Variants in PDE5A observed in about 807,000 individuals in gnomAD.
The protein encoded by PDE5A is phosphodiesterase 5A.
In PDE5A, 67 loss-of-function variants were observed where a neutral mutation model predicts 110.2. That is an observed-to-expected ratio of 0.61 (90% CI 0.50 to 0.75). PDE5A has a LOEUF of 0.75. PDE5A is among the 30% of genes least tolerant of loss of function. PDE5A has a pLI of 0.00. For synonymous variants in PDE5A, 328 were observed against 351.2 expected (o/e 0.93, Z 0.74); for missense variants, 862 against 1,045.1 (o/e 0.82, Z 2.42).
chr4:119,564,225 C>A (rs1021166747), intron 5 of PDE5A, among the ~76,000 whole-genome samples: 4 of 151,856 alleles, frequency 2.6e-5, no homozygotes, highest in African/African-American at 9.7e-5. Flanking sequence ...AACATGGATG[C>A]TAGTTAGAAG....
At chr4:119,514,033 G>A (rs1725830515) in intron 14 of PDE5A, among the ~76,000 whole-genome samples, 1 of 152,110 alleles carries the variant, frequency 6.6e-6, no homozygotes, top group South Asian at 2.1e-4. Context: ...TCAAACACAA[G>A]GCTATGTGGC....
rs890335699 is a variant in PDE5A at position 119,512,461 on chromosome 4, T to C, written c.2001-1327A>G. 5 of 152,242 alleles carry C rather than the reference T, an allele frequency of 3.3e-5. No individual in the cohort carries two copies. In the East Asian group the frequency reaches 7.8e-4, roughly 24 times the overall value. 9.4% of individuals were successfully genotyped at this position (152,242 alleles called of 1,614,324 possible). On this transcript the variant is annotated intron_variant, in intron 14 of 20. Transcript: ENST00000354960. ...AAGGATGAACTTACTGGAAACAGGATTGCGTATGTATCGAGACTATGGGAG... is the reference window on the plus strand; with the variant it reads ...AAGGATGAACTTACTGGAAACAGGACTGCGTATGTATCGAGACTATGGGAG...
At chr4:119,534,818 C>T (rs1319338963) in intron 11 of PDE5A, among the ~76,000 whole-genome samples, 2 of 152,104 alleles carry the variant, frequency 1.3e-5, no homozygotes, top group African/African-American at 2.4e-5. Flanking sequence ...CTGGCTCCGC[C>T]CCTTACTGCT....
At chr4:119,563,015 A>G (rs201417701) in intron 5 of PDE5A, 45 bp from the exon 6 acceptor site, 195 of 1,496,800 alleles carry the variant, frequency 1.3e-4, no homozygotes, top group Non-Finnish European at 1.6e-4. Context: ...ATTGATTGTA[A>G]TTATTAAAGC....
Position 119,576,504 on chromosome 4 carries a change from A to C in PDE5A, c.832-9360T>G, listed in dbSNP as rs564958050. Among the ~76,000 whole-genome samples the C allele has an allele frequency of 1.6e-3, 245 of 152,352 alleles. 2 individuals are homozygous for C. The highest frequency in any genetic ancestry group is 3.7e-3 in the Admixed American group (56 of 15,298). ...CAAACTGTCTCTCAGACCACAGTGC[A>C]ATCAAACTAGAACTCAGGATTAAGA... is the stretch of plus-strand genomic sequence containing the variant. On this transcript the variant is annotated intron_variant, in intron 3 of 20. Coordinates refer to ENST00000354960, the MANE Select transcript of PDE5A (RefSeq NM_001083.4).
chr4:119,582,405 G>T (rs1022976581), intron 3 of PDE5A, among the ~76,000 whole-genome samples: 1 of 152,152 alleles, frequency 6.6e-6, no homozygotes, highest in Admixed American at 6.5e-5. Flanking sequence ...ATTTCCACAA[G>T]ATCTGCAGTT....
intron 1 of PDE5A, among the ~76,000 whole-genome samples, chr4:119,611,801 C>A (rs12505735): frequency 0.26 from 39,606 of 151,782 alleles, 5,312 homozygotes; most frequent in East Asian, 0.39. Context: ...TTATCTGAGT[C>A]CCTGTAATTA....
chr4:119,563,927 A>G (rs1727830678), intron 5 of PDE5A, among the ~76,000 whole-genome samples: 1 of 152,112 alleles, frequency 6.6e-6, no homozygotes, highest in South Asian at 2.1e-4. Flanking sequence ...AGGGTAGAGA[A>G]GATGAATTAT....
intron 2 of PDE5A, among the ~76,000 whole-genome samples, chr4:119,602,599 G>C (rs1031714588): frequency 4.3e-4 from 65 of 152,222 alleles, no homozygotes; most frequent in African/African-American, 1.5e-3. Flanking sequence ...TAGGAGATTT[G>C]TCTAAATTAC....
Position 119,607,054 on chromosome 4 carries a change from T to C in PDE5A, c.396A>G (p.Glu132=), listed in dbSNP as rs374495633. 18 of 1,614,194 alleles carry C rather than the reference T, an allele frequency of 1.1e-5. No individual in the cohort carries two copies. The highest frequency in any genetic ancestry group is 1.5e-5 in the Non-Finnish European group (18 of 1,180,024). Residue 132 remains glutamate, a synonymous_variant, in exon 2 of 21, where the codon GAA becomes GAG. Coordinates refer to ENST00000354960, the MANE Select transcript of PDE5A (RefSeq NM_001083.4). ...ACCTTGGAGGGGTTAGAGGCATCTG[T>C]TCCTTCTTTTCTGAGTCAGAGAGGA... is the stretch of plus-strand genomic sequence containing the variant. ...VSFLSDSEKK[E]QMPLTPPRFD... is the part of the protein sequence containing the mutation.
At chr4:119,500,081 AT>A (rs1191860768) in intron 20 of PDE5A, 1 of 152,074 alleles carries the variant, frequency 6.6e-6, no homozygotes, top group Non-Finnish European at 1.5e-5. Context: ...AGTATTTTTA[AT>A]GGAGAAACTC....
intron 14 of PDE5A, among the ~76,000 whole-genome samples, chr4:119,516,028 C>G (rs1372969145): frequency 2.0e-5 from 3 of 152,180 alleles, no homozygotes; most frequent in Non-Finnish European, 4.4e-5. Flanking sequence ...AACCTTCTAA[C>G]TCTAGTCAAG....
At chr4:119,623,037 C>CA (rs376561963) in intron 1 of PDE5A, among the ~76,000 whole-genome samples, 27,118 of 129,622 alleles carry the variant, frequency 0.21, 2,621 homozygotes, top group African/African-American at 0.26. Flanking sequence ...ACTTACATTG[C>CA]AAAAAAAAAA....
chr4:119,548,904 G>A (rs892452756), intron 9 of PDE5A: 2 of 152,102 alleles, frequency 1.3e-5, no homozygotes, highest in African/African-American at 4.8e-5. Flanking sequence ...TACAAGCAAT[G>A]TATACCATGG....
chr4:119,523,253 A>T (rs1369090520), intron 12 of PDE5A, among the ~76,000 whole-genome samples: 1 of 152,084 alleles, frequency 6.6e-6, no homozygotes, highest in Non-Finnish European at 1.5e-5. Flanking sequence ...AGCACAGCAC[A>T]TGCAGATTGG....
chr4:119,507,571 T>C, intron 16 of PDE5A, 33 bp downstream of exon 16: 1 of 1,314,984 alleles, frequency 7.6e-7, no homozygotes. Flanking sequence ...AGACTTCAAA[T>C]ACCTATTTCT....
chr4:119,575,049 C>A (rs1378005868), intron 3 of PDE5A, among the ~76,000 whole-genome samples: 1 of 152,150 alleles, frequency 6.6e-6, no homozygotes, highest in Non-Finnish European at 1.5e-5. Context: ...GCACAAGCCT[C>A]AGTAGCCGAT....
intron 3 of PDE5A, among the ~76,000 whole-genome samples, chr4:119,594,306 A>G (rs2389867): frequency 0.98 from 148,722 of 152,258 alleles, 72,731 homozygotes; most frequent in East Asian, 1. Flanking sequence ...AATTGTTCAC[A>G]CTATCTAGAA....
At chr4:119,593,434 G>T (rs942857731) in intron 3 of PDE5A, among the ~76,000 whole-genome samples, 3 of 152,176 alleles carry the variant, frequency 2.0e-5, no homozygotes, top group African/African-American at 7.2e-5. Flanking sequence ...TCCAACAGTA[G>T]GGCTGAATCT....
Sources: allele counts gnomAD v4.1 joint callset (sites outside exome capture counted in the v4.1 genomes callset), GRCh38; gene constraint gnomAD v4.1.1; transcripts MANE v1.5; gene names NCBI Gene and HGNC (gene_info 2026-07-23, HGNC 2026-07-21).